Variants in ARL15 observed in about 807,000 individuals in gnomAD.
The protein encoded by ARL15 is ADP-ribosylation factor-like protein 15.
A neutral mutation model predicts 25.2 loss-of-function variants in ARL15; 19 were observed. The observed-to-expected ratio is 0.75, with a 90% CI of 0.53 to 1.10. ARL15 has a LOEUF of 1.10. ARL15 is among the 50% of genes least tolerant of loss of function. The pLI, the probability that ARL15 is intolerant of heterozygous loss-of-function variation, is 0.00. For missense variants in ARL15, 220 were observed against 246.0 expected (o/e 0.89, Z 0.71); for synonymous variants, 94 against 86.8 (o/e 1.08, Z -0.46).
At chr5:53,946,665 G>A (rs1746747033) in intron 4 of ARL15, among the ~76,000 whole-genome samples, 1 of 152,120 alleles carries the variant, frequency 6.6e-6, no homozygotes. Context: ...TTGCATTGGA[G>A]GTGGGAAAGT....
At chr5:53,959,214 T>G (rs1747278553) in intron 4 of ARL15, among the ~76,000 whole-genome samples, 1 of 152,202 alleles carries the variant, frequency 6.6e-6, no homozygotes, top group Non-Finnish European at 1.5e-5. Context: ...AATTTTAAGT[T>G]TTAAAAAAAT....
At chr5:54,016,764 T>G (rs1749441450) in intron 4 of ARL15, among the ~76,000 whole-genome samples, 1 of 152,230 alleles carries the variant, frequency 6.6e-6, no homozygotes, top group African/African-American at 2.4e-5. Flanking sequence ...TCATGCTACA[T>G]TTTACATATA....
intron 4 of ARL15, among the ~76,000 whole-genome samples, chr5:54,103,508 T>C (rs1422573465): frequency 6.6e-6 from 1 of 152,088 alleles, no homozygotes; most frequent in Non-Finnish European, 1.5e-5. Context: ...AGAGATATTA[T>C]TAAAGAAAAA....
chr5:53,895,822 T>C (rs979377076), intron 4 of ARL15, among the ~76,000 whole-genome samples: 1 of 152,192 alleles, frequency 6.6e-6, no homozygotes, highest in Non-Finnish European at 1.5e-5. Flanking sequence ...GTTTTCTTTT[T>C]AAGCATTTCA....
At chr5:54,035,047 C>T (rs1006646731) in intron 4 of ARL15, among the ~76,000 whole-genome samples, 13 of 151,902 alleles carry the variant, frequency 8.6e-5, no homozygotes, top group African/African-American at 2.9e-4. Context: ...CCTTTGAAAA[C>T]GACTTCTGGC....
At chr5:54,231,991 T>C (rs1346883503) in intron 1 of ARL15, among the ~76,000 whole-genome samples, 1 of 152,164 alleles carries the variant, frequency 6.6e-6, no homozygotes, top group Non-Finnish European at 1.5e-5. Flanking sequence ...CACTTAGCAG[T>C]CTACGCTGCG....
intron 3 of ARL15, among the ~76,000 whole-genome samples, chr5:54,123,345 G>A (rs994501883): frequency 6.6e-6 from 1 of 152,048 alleles, no homozygotes; most frequent in African/African-American, 2.4e-5. Flanking sequence ...TCCTGACCTC[G>A]TGATCTGCCT....
intron 4 of ARL15, among the ~76,000 whole-genome samples, chr5:53,918,116 A>C (rs1056741583): frequency 6.6e-6 from 1 of 152,222 alleles, no homozygotes; most frequent in East Asian, 1.9e-4. Flanking sequence ...CTAATGAATC[A>C]AGAAATAATG....
At chr5:53,893,772 A>G (rs1439659044) in intron 4 of ARL15, among the ~76,000 whole-genome samples, 3 of 152,224 alleles carry the variant, frequency 2.0e-5, no homozygotes, top group Non-Finnish European at 4.4e-5. Flanking sequence ...AGTCAGAGAA[A>G]GCCATGCCCA....
chr5:54,222,564 G>A (rs570363187), intron 1 of ARL15, among the ~76,000 whole-genome samples: 40 of 152,296 alleles, frequency 2.6e-4, no homozygotes, highest in Non-Finnish European at 5.1e-4. Flanking sequence ...ATACAAGCAC[G>A]TAAAATCATC....
At chr5:54,244,577 T>C (rs1757037459) in intron 1 of ARL15, among the ~76,000 whole-genome samples, 2 of 152,154 alleles carry the variant, frequency 1.3e-5, no homozygotes, top group South Asian at 4.1e-4. Context: ...TAAAGAATCA[T>C]CTAGACTGGC....
At position 54,094,282 on chromosome 5, in the gene ARL15, T is replaced by G. The variant is rs1463526735; in HGVS notation, c.462+18920A>C. Among the ~76,000 whole-genome samples the G allele has an allele frequency of 2.0e-5, 3 of 152,284 alleles. No homozygotes were observed. The East Asian group carries it at 5.8e-4, about 29-fold the overall frequency. On this transcript the variant is annotated intron_variant, in intron 4 of 4. Coordinates refer to ENST00000504924, the MANE Select transcript of ARL15 (RefSeq NM_019087.3). ...CCCAATACCTAATAGTACTTCAATTTCTTAAAATACAGAGGAAAAAAAGAA... is the reference window on the plus strand; with the variant it reads ...CCCAATACCTAATAGTACTTCAATTGCTTAAAATACAGAGGAAAAAAAGAA...
chr5:54,150,328 G>C (rs1754031156), intron 3 of ARL15, among the ~76,000 whole-genome samples: 1 of 152,174 alleles, frequency 6.6e-6, no homozygotes, highest in South Asian at 2.1e-4. Flanking sequence ...AATCAAAGGA[G>C]GGAAGCAGGA....
At chr5:53,953,887 C>A (rs1478057664) in intron 4 of ARL15, among the ~76,000 whole-genome samples, 1 of 152,086 alleles carries the variant, frequency 6.6e-6, no homozygotes, top group Non-Finnish European at 1.5e-5. Flanking sequence ...TCTATGATCA[C>A]TTAAAAACAC....
At chr5:54,288,451 T>C (rs1238737072) in intron 1 of ARL15, among the ~76,000 whole-genome samples, 2 of 152,186 alleles carry the variant, frequency 1.3e-5, no homozygotes, top group Admixed American at 6.5e-5. Context: ...CCCTAATGAC[T>C]TCTGGACTTA....
At chr5:54,178,585 T>G (rs1320334461) in intron 1 of ARL15, among the ~76,000 whole-genome samples, 1 of 152,154 alleles carries the variant, frequency 6.6e-6, no homozygotes, top group Non-Finnish European at 1.5e-5. Context: ...TAACTTTAAG[T>G]GGATATATTT....
chr5:54,176,292 G>C (rs1388617972), intron 1 of ARL15, among the ~76,000 whole-genome samples: 3 of 152,160 alleles, frequency 2.0e-5, no homozygotes, highest in African/African-American at 7.2e-5. Flanking sequence ...TCATCCTATG[G>C]GTAACAGGAA....
At chr5:54,032,801 T>C (rs1750033725) in intron 4 of ARL15, among the ~76,000 whole-genome samples, 1 of 152,146 alleles carries the variant, frequency 6.6e-6, no homozygotes, top group Non-Finnish European at 1.5e-5. Context: ...GAATTAAACA[T>C]AAAAAGTTCT....
At chr5:54,180,443 A>C (rs1321956683) in intron 1 of ARL15, among the ~76,000 whole-genome samples, 3 of 152,222 alleles carry the variant, frequency 2.0e-5, no homozygotes, top group Non-Finnish European at 4.4e-5. Flanking sequence ...AGGGCAAAGG[A>C]GTGCTGTGAA....
Sources: allele counts gnomAD v4.1 joint callset (sites outside exome capture counted in the v4.1 genomes callset), GRCh38; gene constraint gnomAD v4.1.1; transcripts MANE v1.5; gene names NCBI Gene and HGNC (gene_info 2026-07-23, HGNC 2026-07-21).